CCDC144A: variants seen among roughly 807,000 people sequenced by gnomAD.
CCDC144A encodes the protein coiled-coil domain-containing protein 144A.
Under a neutral mutation model 143.8 loss-of-function variants are expected in CCDC144A, and 41 were observed. That is an observed-to-expected ratio of 0.29 (90% CI 0.22 to 0.37). CCDC144A has a LOEUF of 0.37. CCDC144A is among the 10% of genes least tolerant of loss of function. The probability of loss-of-function intolerance (pLI) is 1.00; values close to 1 mark genes in which losing one functional copy is unlikely to be tolerated. For missense variants in CCDC144A, 637 were observed against 1,488.8 expected, an observed-to-expected ratio of 0.43 and a Z score of 9.41; for synonymous variants, 242 against 517.9, an observed-to-expected ratio of 0.47 and a Z score of 7.23.
In CCDC144A at chr17:16,729,963, C is replaced by CATATATATATATAT. The variant is rs59756018; in HGVS notation, c.2106-1821_2106-1808dup. 1.8e-3 allele frequency among the ~76,000 whole-genome samples: 171 copies of CATATATATATATAT among 94,014 alleles called. 4 individuals are homozygous for CATATATATATATAT. Among genetic ancestry groups the CATATATATATATAT allele is most frequent in the South Asian group, 0.014 (38 of 2,632 alleles). The allele number at this position is 94,014 out of a possible 152,430, so 61.7% of individuals were successfully genotyped here. ...CATATTGTACCTCAGTAGGTAGTTT[C>CATATATATATATAT]ATATATATATATATATATATATATA... is the stretch of plus-strand genomic sequence containing the variant. On this transcript the variant is annotated intron_variant, in intron 9 of 16. Coordinates refer to ENST00000399273, the MANE Select transcript of CCDC144A (RefSeq NM_001382000.1).
At chr17:16,713,902 G>A (rs1037034343) in intron 6 of CCDC144A, among the ~76,000 whole-genome samples, 4 of 152,120 alleles carry the variant, frequency 2.6e-5, no homozygotes, top group African/African-American at 9.7e-5. Context: ...CAGATTTCTT[G>A]TCCATTCACT....
chr17:16,698,698 A>G (rs898253094), intron 2 of CCDC144A, among the ~76,000 whole-genome samples: 7 of 152,178 alleles, frequency 4.6e-5, no homozygotes, highest in Non-Finnish European at 1.0e-4. Context: ...AACATCTGAC[A>G]ACAACAACTG....
Position 16,777,045 on chromosome 17 carries a change from G to A in CCDC144A, c.*3412G>A, listed in dbSNP as rs2013565085. 2.1e-5 allele frequency: 3 copies of A among 140,124 alleles called. No homozygotes were observed. The highest frequency in any genetic ancestry group is 2.5e-4 in the South Asian group (1 of 4,038). The allele number at this position is 140,124 out of a possible 1,614,324, so 8.7% of individuals were successfully genotyped here. ...TCGTCTAAATGGACACATCAAAAGC[G>A]AGCAGGAGTAGCTGTTCTTATATCA... On this transcript the variant is annotated 3_prime_UTR_variant, in exon 17 of 17. Transcript: ENST00000399273.
chr17:16,728,870 T>C (rs1448347210), intron 9 of CCDC144A, among the ~76,000 whole-genome samples: 1 of 152,210 alleles, frequency 6.6e-6, no homozygotes, highest in Non-Finnish European at 1.5e-5. Context: ...GTTAGTTCAC[T>C]TAGAATAATG....
At chr17:16,729,330 G>A (rs1170833337) in intron 9 of CCDC144A, among the ~76,000 whole-genome samples, 2 of 152,118 alleles carry the variant, frequency 1.3e-5, no homozygotes, top group Non-Finnish European at 2.9e-5. Context: ...TTGTATTTCC[G>A]TGAATGTTAG....
chr17:16,680,597 T>C, the CCDC144A span, among the ~76,000 whole-genome samples: 1 of 84,738 alleles, frequency 1.2e-5, no homozygotes, highest in Non-Finnish European at 2.2e-5. Flanking sequence ...GAGAGAGAAA[T>C]AAAGAAAAAG....
chr17:16,693,327 T>G (rs201136057), intron 2 of CCDC144A, among the ~76,000 whole-genome samples: 46 of 126,072 alleles, frequency 3.6e-4, no homozygotes, highest in African/African-American at 1.9e-3. Flanking sequence ...TTTTTTTTTG[T>G]TTTTTTTTTG....
At chr17:16,756,424 T>G (rs1200307353) in intron 12 of CCDC144A, among the ~76,000 whole-genome samples, 1 of 151,826 alleles carries the variant, frequency 6.6e-6, no homozygotes, top group East Asian at 1.9e-4. Context: ...TTTTATTTTA[T>G]GTATTGAATT....
At chr17:16,750,434 T>A (rs946687360) in intron 12 of CCDC144A, among the ~76,000 whole-genome samples, 2 of 145,426 alleles carry the variant, frequency 1.4e-5, no homozygotes, top group Admixed American at 6.7e-5. Context: ...ATAAGGTTTT[T>A]GCCAGAAAGA....
At chr17:16,674,718 G>C in the CCDC144A span, among the ~76,000 whole-genome samples, 1 of 151,990 alleles carries the variant, frequency 6.6e-6, no homozygotes, top group Non-Finnish European at 1.5e-5. Flanking sequence ...CCAACAATAT[G>C]ATAAACTTCT....
chr17:16,751,595 C>T (rs1448260046), intron 12 of CCDC144A, among the ~76,000 whole-genome samples: 1 of 152,234 alleles, frequency 6.6e-6, no homozygotes, highest in Non-Finnish European at 1.5e-5. Context: ...TTGAGGGCTG[C>T]ACACCTCCCA....
intron 12 of CCDC144A, among the ~76,000 whole-genome samples, chr17:16,748,486 G>C (rs1914640306): frequency 6.6e-6 from 1 of 152,162 alleles, no homozygotes; most frequent in African/African-American, 2.4e-5. Context: ...GCTGGATTTT[G>C]TTTGCTGATA....
chr17:16,715,748 G>T (rs531593378), intron 6 of CCDC144A, among the ~76,000 whole-genome samples: 1 of 152,218 alleles, frequency 6.6e-6, no homozygotes, highest in South Asian at 2.1e-4. Flanking sequence ...ATAGGGTTGC[G>T]GGAGGAGCGG....
chr17:16,690,822 G>C (rs1463284241), intron 1 of CCDC144A, 78 bp downstream of exon 1: 1 of 1,471,526 alleles, frequency 6.8e-7, no homozygotes, highest in African/African-American at 1.4e-5. Context: ...CGGCACCCGG[G>C]ATGGGGAAAC....
intron 15 of CCDC144A, chr17:16,766,466 G>T: frequency 6.6e-6 from 1 of 152,352 alleles, no homozygotes. Flanking sequence ...TGTAGGCCGG[G>T]CACTGTAGCT....
intron 2 of CCDC144A, among the ~76,000 whole-genome samples, chr17:16,703,865 A>G (rs1911888051): frequency 6.6e-6 from 1 of 152,232 alleles, no homozygotes; most frequent in Admixed American, 6.5e-5. Context: ...AATAGCCTTT[A>G]GAACTATGAC....
At chr17:16,700,005 T>C (rs1416820034) in intron 2 of CCDC144A, among the ~76,000 whole-genome samples, 1 of 152,088 alleles carries the variant, frequency 6.6e-6, no homozygotes, top group African/African-American at 2.4e-5. Context: ...ACTTAAACAA[T>C]AAAAAATTGT....
chr17:16,679,096 G>T, the CCDC144A span, among the ~76,000 whole-genome samples: 187 of 147,302 alleles, frequency 1.3e-3, 1 homozygote, highest in Non-Finnish European at 2.1e-3. Flanking sequence ...GGCGGGGGGG[G>T]GTCTCACTTT....
At chr17:16,757,432 T>C (rs942151396) in intron 12 of CCDC144A, among the ~76,000 whole-genome samples, 12 of 152,194 alleles carry the variant, frequency 7.9e-5, no homozygotes, top group African/African-American at 2.9e-4. Flanking sequence ...CAGGTGCCGG[T>C]GGGGCAGTAG....
Sources: gnomAD v4.1 joint callset for allele counts (sites outside exome capture counted in the v4.1 genomes callset) on GRCh38, gnomAD v4.1.1 for gene constraint, MANE v1.5 for transcripts, NCBI Gene and HGNC (gene_info 2026-07-23, HGNC 2026-07-21) for gene names.